Variants in TAS2R60 observed in about 807,000 individuals in gnomAD.
The protein encoded by TAS2R60 is taste receptor type 2 member 60.
TAS2R60 carries 16 observed loss-of-function variants against 19.5 expected under a neutral mutation model. The observed-to-expected ratio is 0.82, with a 90% CI of 0.55 to 1.24. The LOEUF (loss-of-function observed/expected upper bound fraction) is 1.24, where lower values mean the gene tolerates loss of function less well. Among genes scored for constraint, TAS2R60 ranks in the 50% most tolerant of loss-of-function variants. The pLI is 0.00. For missense variants in TAS2R60, 362 were observed against 382.7 expected, an observed-to-expected ratio of 0.95 and a Z score of 0.45; for synonymous variants, 141 against 143.3, an observed-to-expected ratio of 0.98 and a Z score of 0.11.
chr7:143,443,517 C>T lies in TAS2R60; in HGVS notation c.65C>T (p.Thr22Ile). ...GACAAGAAGGCCATCATCTTGGTTACCATTTTACTCCTTTTACGCCTGGTA... is the reference window on the plus strand; with the variant it reads ...GACAAGAAGGCCATCATCTTGGTTATCATTTTACTCCTTTTACGCCTGGTA... ...VTDKKAIILV[T>I]ILLLLRLVAI... Residue 22 changes from threonine (T) to isoleucine (I), a missense_variant, in exon 1 of 1, where the codon ACC becomes ATC. Physicochemically the swap from Thr to Ile is moderately conservative, Grantham distance 89. Transcript: ENST00000332690. 1 of 1,614,078 alleles carries T rather than the reference C, an allele frequency of 6.2e-7. No individual in the cohort carries two copies. Among genetic ancestry groups the T allele is most frequent in the Non-Finnish European group, 8.5e-7 (1 of 1,180,004 alleles).
chr7:143,443,804 T>C lies in TAS2R60; in HGVS notation c.352T>C (p.Tyr118His). Residue 118 changes from tyrosine to histidine, a missense_variant, in exon 1 of 1, where the codon TAT becomes CAT. Physicochemically the swap from Tyr to His is moderately conservative, Grantham distance 83 (BLOSUM62 2). Coordinates refer to ENST00000332690, the MANE Select transcript of TAS2R60 (RefSeq NM_177437.1). ...GTCCTCTACCTGGCTCAGTGTCTTC[T>C]ATTGTGTGAAAATTGCTACCTTCAC... ...LWSSTWLSVF[Y>H]CVKIATFTHP... The C allele has an allele frequency of 6.2e-7, 1 of 1,613,524 alleles. No homozygotes were observed. The highest frequency in any genetic ancestry group is 8.5e-7 in the Non-Finnish European group (1 of 1,180,016).
Position 143,444,244 on chromosome 7 carries a change from G to C in TAS2R60, c.792G>C (p.Val264=). The part of the protein sequence containing the change: ...MLFISYFLSL[V]FSAAGIFPPL... ...TCATCTCATATTTCCTGTCACTGGT[G>C]TTCAGTGCTGCAGGTATTTTTCCAC... Residue 264 remains valine (V), a synonymous_variant, in exon 1 of 1, where the codon GTG becomes GTC. Coordinates refer to ENST00000332690, the MANE Select transcript of TAS2R60 (RefSeq NM_177437.1). 6.2e-7 allele frequency: 1 copy of C among 1,614,168 alleles called. No homozygotes were observed. Among genetic ancestry groups the C allele is most frequent in the Non-Finnish European group, 8.5e-7 (1 of 1,180,038 alleles).
Position 143,444,294 on chromosome 7 carries a change from G to T in TAS2R60, c.842G>T (p.Trp281Leu). The T allele has an allele frequency of 6.2e-7, 1 of 1,614,030 alleles. No individual in the cohort carries two copies. The highest frequency in any genetic ancestry group is 8.5e-7 in the Non-Finnish European group (1 of 1,180,026). Residue 281 changes from tryptophan (W) to leucine (L), a missense_variant, in exon 1 of 1, where the codon TGG becomes TTG. By Grantham distance (61) the Trp-to-Leu change is moderately conservative (BLOSUM62 -2). Coordinates refer to ENST00000332690, the MANE Select transcript of TAS2R60 (RefSeq NM_177437.1). Reference sequence around the variant, plus strand: ...CCTCTGGACTTTAAATTCTGGGTGTGGGAGTCAGTGATTTATCTGTGTGCA... The same window carrying T: ...CCTCTGGACTTTAAATTCTGGGTGTTGGAGTCAGTGATTTATCTGTGTGCA... ...FPPLDFKFWV[W>L]ESVIYLCAAV...
In TAS2R60 at chr7:143,443,656, T is replaced by C. The variant is rs1157333057; in HGVS notation, c.204T>C (p.Cys68=). The C allele has an allele frequency of 6.2e-7, 1 of 1,614,040 alleles. No homozygotes were observed. The highest frequency in any genetic ancestry group is 1.3e-5 in the African/African-American group (1 of 74,946). The part of the protein sequence containing the change: ...LLVSLGASRF[C]LQSVVMGKTI... Reference sequence around the variant, plus strand: ...TTAGCCTAGGGGCCTCTCGCTTCTGTCTGCAGTCAGTGGTAATGGGTAAGA... The same window carrying C: ...TTAGCCTAGGGGCCTCTCGCTTCTGCCTGCAGTCAGTGGTAATGGGTAAGA... The change falls in exon 1 of 1, where the codon TGT becomes TGC. Residue 68 remains cysteine (C), a synonymous_variant. Transcript: ENST00000332690.
rs144018396 is a variant in TAS2R60, at chr7:143,444,330, C to G, written c.878C>G (p.Pro293Arg). 1.7e-5 allele frequency: 28 copies of G among 1,613,348 alleles called. No individual in the cohort carries two copies. The African/African-American group carries it at 3.6e-4, about 21-fold the overall frequency. The change falls in exon 1 of 1, where the codon CCC becomes CGC. Residue 293 changes from proline (P) to arginine (R), a missense_variant. By Grantham distance (103) the Pro-to-Arg change is moderately radical. Transcript: ENST00000332690. ...SVIYLCAAVH[P>R]IILLFSNCRL... ...ATTTATCTGTGTGCAGCAGTTCACC[C>G]CATCATTCTGCTCTTCAGCAACTGC... is the stretch of plus-strand genomic sequence containing the variant.
At position 143,443,485 on chromosome 7, in the gene TAS2R60, G is replaced by A. The variant is rs146414969; in HGVS notation, c.33G>A (p.Ser11=). The change falls in exon 1 of 1, where the codon TCG becomes TCA. Residue 11 remains serine, a synonymous_variant. Transcript: ENST00000332690. ...GAGACCACATGGTTCTAGGATCTTCGGTGACTGACAAGAAGGCCATCATCT... is the reference window on the plus strand; with the variant it reads ...GAGACCACATGGTTCTAGGATCTTCAGTGACTGACAAGAAGGCCATCATCT... MNGDHMVLGS[S]VTDKKAIILV... 66 of 1,612,880 alleles carry A rather than the reference G, an allele frequency of 4.1e-5. No homozygotes were observed. In the African/African-American group the frequency reaches 4.1e-4, roughly 10 times the overall value.
In TAS2R60 at chr7:143,444,270, C is replaced by G; in HGVS notation, c.818C>G (p.Pro273Arg). 6.2e-7 allele frequency: 1 copy of G among 1,614,116 alleles called. No individual in the cohort carries two copies. Among genetic ancestry groups the G allele is most frequent in the Non-Finnish European group, 8.5e-7 (1 of 1,180,020 alleles). Residue 273 changes from proline (P) to arginine (R), a missense_variant, in exon 1 of 1, where the codon CCT (proline) becomes CGT (arginine). Transcript: ENST00000332690. ...TTCAGTGCTGCAGGTATTTTTCCACCTCTGGACTTTAAATTCTGGGTGTGG... is the reference window on the plus strand; with the variant it reads ...TTCAGTGCTGCAGGTATTTTTCCACGTCTGGACTTTAAATTCTGGGTGTGG... ...LVFSAAGIFP[P>R]LDFKFWVWES...
the TAS2R60 span, chr7:143,444,036 TCC>T: frequency 1.9e-6 from 3 of 1,614,178 alleles, no homozygotes; most frequent in Non-Finnish European, 2.5e-6. Context: ...TTCTATCTCT[TCC>T]CTCTAAAAAT....
rs776839128 is a variant in TAS2R60 at position 143,444,360 on chromosome 7, T to C, written c.908T>C (p.Leu303Pro). The C allele has an allele frequency of 1.9e-6, 3 of 1,611,326 alleles. No individual in the cohort carries two copies. In the East Asian group the frequency reaches 6.7e-5, roughly 36 times the overall value. ...PIILLFSNCR[L>P]RAVLKSRRSS... ...ATTCTGCTCTTCAGCAACTGCAGGCTGAGAGCTGTGCTGAAGAGTCGTCGT... is the reference window on the plus strand; with the variant it reads ...ATTCTGCTCTTCAGCAACTGCAGGCCGAGAGCTGTGCTGAAGAGTCGTCGT... The change falls in exon 1 of 1, where the codon CTG becomes CCG. Residue 303 changes from leucine (L) to proline (P), a missense_variant. Coordinates refer to ENST00000332690, the MANE Select transcript of TAS2R60 (RefSeq NM_177437.1).
rs1403998959 is a variant in TAS2R60 at position 143,443,731 on chromosome 7, G to A, written c.279G>A (p.Leu93=). 5.6e-6 allele frequency: 9 copies of A among 1,613,982 alleles called. No individual in the cohort carries two copies. Among genetic ancestry groups the A allele is most frequent in the Non-Finnish European group, 7.6e-6 (9 of 1,180,020 alleles). Residue 93 remains leucine, a synonymous_variant, in exon 1 of 1, where the codon CTG becomes CTA. Coordinates refer to ENST00000332690, the MANE Select transcript of TAS2R60 (RefSeq NM_177437.1). ...TGGCCTTCCCATACAACCCTGTACT[G>A]CAGTTTCTAGCTTTCCAGTGGGACT... is the stretch of plus-strand genomic sequence containing the variant. ...HPMAFPYNPV[L]QFLAFQWDFL...
chr7:143,443,519 A>G lies in TAS2R60; in HGVS notation c.67A>G (p.Ile23Val). The G allele has an allele frequency of 1.2e-6, 2 of 1,614,020 alleles. No homozygotes were observed. The highest frequency in any genetic ancestry group is 1.7e-6 in the Non-Finnish European group (2 of 1,180,008). ...CAAGAAGGCCATCATCTTGGTTACC[A>G]TTTTACTCCTTTTACGCCTGGTAGC... is the stretch of plus-strand genomic sequence containing the variant. ...TDKKAIILVTILLLLRLVAIA... is the reference protein window; with the variant it reads ...TDKKAIILVTVLLLLRLVAIA... Residue 23 changes from isoleucine to valine, a missense_variant, in exon 1 of 1, where the codon ATT becomes GTT. Ile to Val is a conservative substitution (Grantham distance 29, BLOSUM62 3). Coordinates refer to ENST00000332690, the MANE Select transcript of TAS2R60 (RefSeq NM_177437.1).
At position 143,443,823 on chromosome 7, in the gene TAS2R60, C is replaced by A; in HGVS notation, c.371C>A (p.Thr124Asn). Residue 124 changes from threonine (T) to asparagine (N), a missense_variant, in exon 1 of 1, where the codon ACC becomes AAC. Transcript: ENST00000332690. ...GTCTTCTATTGTGTGAAAATTGCTA[C>A]CTTCACCCACCCTGTCTTCTTCTGG... ...LSVFYCVKIATFTHPVFFWLK... is the reference protein window; with the variant it reads ...LSVFYCVKIANFTHPVFFWLK... The A allele has an allele frequency of 6.2e-7, 1 of 1,613,196 alleles. No individual in the cohort carries two copies. The highest frequency in any genetic ancestry group is 8.5e-7 in the Non-Finnish European group (1 of 1,179,894).
rs1343315545 is a variant in TAS2R60, at chr7:143,444,056, T to G, written c.604T>G (p.Trp202Gly). Residue 202 changes from tryptophan (W) to glycine (G), a missense_variant, in exon 1 of 1, where the codon TGG becomes GGG. Transcript: ENST00000332690. ...TCTCTTCCCTCTAAAAATGATTACT[T>G]GGACAATGCCCACTGCTGTCTTTTT... ...FYLFPLKMIT[W>G]TMPTAVFFIC... 5 of 1,614,238 alleles carry G rather than the reference T, an allele frequency of 3.1e-6. No individual in the cohort carries two copies. Among genetic ancestry groups the G allele is most frequent in the Non-Finnish European group, 4.2e-6 (5 of 1,180,040 alleles).
Position 143,444,261 on chromosome 7 carries a change from T to C in TAS2R60, c.809T>C (p.Ile270Thr), listed in dbSNP as rs753242345. The stretch of plus-strand genomic sequence containing the variant: ...TCACTGGTGTTCAGTGCTGCAGGTA[T>C]TTTTCCACCTCTGGACTTTAAATTC... ...FLSLVFSAAG[I>T]FPPLDFKFWV... The change falls in exon 1 of 1, where the codon ATT becomes ACT. Residue 270 changes from isoleucine to threonine, a missense_variant. Physicochemically the swap from Ile to Thr is moderately conservative, Grantham distance 89. Transcript: ENST00000332690. 6.2e-7 allele frequency: 1 copy of C among 1,614,156 alleles called. No individual in the cohort carries two copies. The highest frequency in any genetic ancestry group is 8.5e-7 in the Non-Finnish European group (1 of 1,180,040).
rs1230989471 is a variant in TAS2R60, at chr7:143,444,062, A to G, written c.610A>G (p.Met204Val). The G allele has an allele frequency of 9.3e-6, 15 of 1,614,188 alleles. No individual in the cohort carries two copies. Among genetic ancestry groups the G allele is most frequent in the Non-Finnish European group, 1.1e-5 (13 of 1,180,036 alleles). ...CCCTCTAAAAATGATTACTTGGACA[A>G]TGCCCACTGCTGTCTTTTTCATTTG... is the stretch of plus-strand genomic sequence containing the variant. ...LFPLKMITWT[M>V]PTAVFFICMI... is the part of the protein sequence containing the mutation. The change falls in exon 1 of 1, where the codon ATG becomes GTG. Residue 204 changes from methionine to valine, a missense_variant. Coordinates refer to ENST00000332690, the MANE Select transcript of TAS2R60 (RefSeq NM_177437.1).
At position 143,443,722 on chromosome 7, in the gene TAS2R60, C is replaced by T; in HGVS notation, c.270C>T (p.Asn90=). The T allele has an allele frequency of 2.5e-6, 4 of 1,614,134 alleles. No individual in the cohort carries two copies. Among genetic ancestry groups the T allele is most frequent in the Non-Finnish European group, 1.7e-6 (2 of 1,180,036 alleles). The change falls in exon 1 of 1, where the codon AAC becomes AAT. Residue 90 remains asparagine (N), a synonymous_variant. Coordinates refer to ENST00000332690, the MANE Select transcript of TAS2R60 (RefSeq NM_177437.1). ...VFLHPMAFPY[N]PVLQFLAFQW... ...TGCATCCGATGGCCTTCCCATACAA[C>T]CCTGTACTGCAGTTTCTAGCTTTCC...
chr7:143,444,192 T>G lies in TAS2R60; in HGVS notation c.740T>G (p.Leu247Arg). Residue 247 changes from leucine (L) to arginine (R), a missense_variant, in exon 1 of 1, where the codon CTG becomes CGG. Coordinates refer to ENST00000332690, the MANE Select transcript of TAS2R60 (RefSeq NM_177437.1). ...GTGCAGGCACACATAAAGGCTCTGC[T>G]GGCTCTCCTCTCTTTTGCCATGCTC... ...PSVQAHIKALLALLSFAMLFI... is the reference protein window; with the variant it reads ...PSVQAHIKALRALLSFAMLFI... 1 of 1,614,244 alleles carries G rather than the reference T, an allele frequency of 6.2e-7. No homozygotes were observed. Among genetic ancestry groups the G allele is most frequent in the Non-Finnish European group, 8.5e-7 (1 of 1,180,036 alleles).
chr7:143,443,933 A>T lies in TAS2R60; in HGVS notation c.481A>T (p.Ile161Leu), dbSNP rs748742818. The change falls in exon 1 of 1, where the codon ATA becomes TTA. Residue 161 changes from isoleucine to leucine, a missense_variant. Transcript: ENST00000332690. ...CAGCTTCACCACCATTCTATTTTTC[A>T]TAGGCAACCACAGAATGTATCAGAA... ...LSSFTTILFF[I>L]GNHRMYQNYL... 3.8e-5 allele frequency: 61 copies of T among 1,613,994 alleles called. No individual in the cohort carries two copies. Among genetic ancestry groups the T allele is most frequent in the Non-Finnish European group, 5.1e-6 (6 of 1,180,046 alleles).
At position 143,444,387 on chromosome 7, in the gene TAS2R60, C is replaced by T. The variant is rs780926901; in HGVS notation, c.935C>T (p.Ser312Phe). 2.5e-6 allele frequency: 4 copies of T among 1,605,452 alleles called. No homozygotes were observed. Among genetic ancestry groups the T allele is most frequent in the Non-Finnish European group, 3.4e-6 (4 of 1,179,618 alleles). The part of the protein sequence containing the change: ...RLRAVLKSRR[S>F]SRCGTP ...AGAGCTGTGCTGAAGAGTCGTCGTT[C>T]CTCAAGGTGTGGGACACCTTGAGCC... Residue 312 changes from serine to phenylalanine, a missense_variant, in exon 1 of 1, where the codon TCC becomes TTC. Transcript: ENST00000332690.
Sources: allele counts gnomAD v4.1 joint callset, GRCh38; gene constraint gnomAD v4.1.1; transcripts MANE v1.5; gene names NCBI Gene and HGNC (gene_info 2026-07-23, HGNC 2026-07-21).